GPHN: variants seen among roughly 807,000 people sequenced by gnomAD.
GPHN encodes the protein gephyrin.
In GPHN, 17 loss-of-function variants were observed where a neutral mutation model predicts 95.5. The ratio of observed to expected loss-of-function variants is 0.18; its 90% CI spans 0.12 to 0.27. The LOEUF is 0.27. GPHN is among the 10% of genes least tolerant of loss of function. The pLI is 1.00. For synonymous variants in GPHN, 320 were observed against 322.5 expected (o/e 0.99, Z 0.08); for missense variants, 660 against 978.1 (o/e 0.67, Z 4.34).
At chr14:66,730,810 T>C (rs982611449) in intron 2 of GPHN, among the ~76,000 whole-genome samples, 7 of 152,322 alleles carry the variant, frequency 4.6e-5, no homozygotes, top group African/African-American at 9.6e-5. Context: ...TAAATATATA[T>C]GTGGAATACA....
At chr14:67,629,817 A>C in the GPHN span, among the ~76,000 whole-genome samples, 1 of 152,246 alleles carries the variant, frequency 6.6e-6, no homozygotes, top group African/African-American at 2.4e-5. Context: ...TGCGTTAGTG[A>C]AGACTACACA....
intron 9 of GPHN, among the ~76,000 whole-genome samples, chr14:66,972,207 G>A (rs1269487740): frequency 6.7e-6 from 1 of 149,258 alleles, no homozygotes; most frequent in Non-Finnish European, 1.5e-5. Flanking sequence ...GGTGGAGGCT[G>A]CAGTGAGCCG....
chr14:66,581,471 A>ACATG (rs2061168141), intron 1 of GPHN, among the ~76,000 whole-genome samples: 1 of 152,020 alleles, frequency 6.6e-6, no homozygotes, highest in African/African-American at 2.4e-5. Context: ...ATAAAGGAAG[A>ACATG]CAGCAAGAAA....
chr14:66,759,538 G>A (rs1300700779), intron 2 of GPHN, among the ~76,000 whole-genome samples: 2 of 152,164 alleles, frequency 1.3e-5, no homozygotes, highest in South Asian at 2.1e-4. Flanking sequence ...TTTTATCTGA[G>A]GTAAGAATAG....
intron 2 of GPHN, among the ~76,000 whole-genome samples, chr14:66,698,948 A>G (rs1028491525): frequency 6.6e-6 from 1 of 152,232 alleles, no homozygotes; most frequent in Non-Finnish European, 1.5e-5. Flanking sequence ...GGTAAACTGC[A>G]TTTTGACTGT....
At chr14:67,192,003 T>C in the GPHN span, among the ~76,000 whole-genome samples, 1 of 152,190 alleles carries the variant, frequency 6.6e-6, no homozygotes, top group Non-Finnish European at 1.5e-5. Flanking sequence ...GAAAAAGTAC[T>C]GGTTAAAAGA....
At chr14:66,644,891 A>AT (rs1235900522) in intron 1 of GPHN, among the ~76,000 whole-genome samples, 1 of 152,038 alleles carries the variant, frequency 6.6e-6, no homozygotes, top group African/African-American at 2.4e-5. Flanking sequence ...TTTTAGGTAA[A>AT]TTTTTTTATA....
chr14:67,219,939 T>C, the GPHN span, among the ~76,000 whole-genome samples: 1 of 152,226 alleles, frequency 6.6e-6, no homozygotes, highest in African/African-American at 2.4e-5. Context: ...AATTACTAGC[T>C]AGAGTCTAAT....
chr14:67,591,788 C>T, the GPHN span: 2 of 151,264 alleles, frequency 1.3e-5, no homozygotes, highest in South Asian at 2.1e-4. Flanking sequence ...CTGCCTCAGC[C>T]TCCCCCACAG....
rs71129810 is a variant in GPHN at position 67,144,250 on chromosome 14, AATATATATATATATATATATATAT to A, written c.1836+815_1836+838del. Among the ~76,000 whole-genome samples, 55 of 57,774 alleles carry A rather than the reference AATATATATATATATATATATATAT, an allele frequency of 9.5e-4. 1 individual carries two copies. The highest frequency in any genetic ancestry group is 1.6e-3 in the East Asian group (2 of 1,238). 37.9% of individuals were successfully genotyped at this position (57,774 alleles called of 152,430 possible). A position where few individuals can be genotyped will look rare whatever the true frequency, so the allele number is the denominator to read the frequency against. On this transcript the variant is annotated intron_variant, in intron 18 of 22. Transcript: ENST00000478722. ...AGACCCTGTCTTAAAAAAAAAAAAAAATATATATATATATATATATATATATATATATATATACACACACACATA... is the reference window on the plus strand; with the variant it reads ...AGACCCTGTCTTAAAAAAAAAAAAAAATATATATATATACACACACACATA...
intron 11 of GPHN, among the ~76,000 whole-genome samples, chr14:67,074,912 AAGGTGAAG>A (rs2153659454): frequency 6.6e-6 from 1 of 152,298 alleles, no homozygotes; most frequent in Non-Finnish European, 1.5e-5. Flanking sequence ...ATAACAATGC[AAGGTGAAG>A]CAGCAAATAC....
the GPHN span, among the ~76,000 whole-genome samples, chr14:67,342,294 C>T: frequency 6.6e-6 from 1 of 150,870 alleles, no homozygotes; most frequent in South Asian, 2.1e-4. Flanking sequence ...CTACTGTAAA[C>T]ATGGTGGTGT....
intron 21 of GPHN, among the ~76,000 whole-genome samples, chr14:67,169,459 C>A (rs1231337014): frequency 3.9e-5 from 6 of 152,136 alleles, no homozygotes; most frequent in African/African-American, 9.7e-5. Flanking sequence ...TTAAACAATT[C>A]AGAAGAAGAC....
the GPHN span, among the ~76,000 whole-genome samples, chr14:67,276,279 A>G: frequency 6.6e-6 from 1 of 152,026 alleles, no homozygotes; most frequent in East Asian, 1.9e-4. Context: ...GCATGTTCCC[A>G]TTGTCCCATC....
At chr14:66,851,990 C>G (rs1364430189) in intron 4 of GPHN, among the ~76,000 whole-genome samples, 1 of 152,090 alleles carries the variant, frequency 6.6e-6, no homozygotes, top group Non-Finnish European at 1.5e-5. Context: ...TTTGGAATAA[C>G]TGAGAATAAG....
chr14:67,329,413 T>C, the GPHN span, among the ~76,000 whole-genome samples: 1 of 152,344 alleles, frequency 6.6e-6, no homozygotes, highest in South Asian at 2.1e-4. Context: ...TACAATCATG[T>C]CATCTGCAAA....
intron 5 of GPHN, among the ~76,000 whole-genome samples, chr14:66,904,833 T>G (rs1274573589): frequency 6.6e-6 from 1 of 152,136 alleles, no homozygotes; most frequent in Non-Finnish European, 1.5e-5. Flanking sequence ...TGGTAAGACA[T>G]CTTACTGCTT....
At chr14:66,624,456 CTA>C (rs1452662657) in intron 1 of GPHN, among the ~76,000 whole-genome samples, 3 of 152,150 alleles carry the variant, frequency 2.0e-5, no homozygotes, top group African/African-American at 7.2e-5. Flanking sequence ...AAAGTTTACT[CTA>C]TTAAATAAAC....
intron 8 of GPHN, among the ~76,000 whole-genome samples, chr14:66,936,990 A>C (rs1211286889): frequency 6.6e-6 from 1 of 152,218 alleles, no homozygotes; most frequent in Non-Finnish European, 1.5e-5. Context: ...GCATTCTAGT[A>C]ATCTTAGTAA....
Sources: gnomAD v4.1 joint callset for allele counts (sites outside exome capture counted in the v4.1 genomes callset) on GRCh38, gnomAD v4.1.1 for gene constraint, MANE v1.5 for transcripts, NCBI Gene and HGNC (gene_info 2026-07-23, HGNC 2026-07-21) for gene names.